The following BCOR variants were observed in gnomAD, a reference collection of about 807,000 sequenced individuals.
BCOR encodes the protein BCL6 corepressor, also known as BCL-6 corepressor.
In BCOR, 10 loss-of-function variants were observed where a neutral mutation model predicts 86.7. The ratio of observed to expected loss-of-function variants is 0.12; its 90% CI spans 0.07 to 0.20. BCOR has a LOEUF of 0.20. Ranked by LOEUF, BCOR falls within the 10% of genes least tolerant of loss-of-function variation. The probability of loss-of-function intolerance (pLI) is 1.00; values close to 1 mark genes in which losing one functional copy is unlikely to be tolerated. For synonymous variants in BCOR, 611 were observed against 609.0 expected, an observed-to-expected ratio of 1.00 and a Z score of -0.05; for missense variants, 1,259 against 1,452.1, an observed-to-expected ratio of 0.87 and a Z score of 2.16.
intron 10 of BCOR, among the ~76,000 whole-genome samples, chrX:40,059,204 C>T (rs1183269798): frequency 8.9e-6 from 1 of 111,912 alleles, no homozygotes; most frequent in Non-Finnish European, 1.9e-5. Context: ...CCAGGTCAGA[C>T]GTTTTGCCAT....
intron 1 of BCOR, among the ~76,000 whole-genome samples, chrX:40,165,202 G>T: frequency 8.9e-6 from 1 of 111,853 alleles, no homozygotes. Flanking sequence ...GTGTGGGGTG[G>T]GGTGGGGGAT....
At chrX:40,087,208 G>A (rs1475835985) in intron 1 of BCOR, among the ~76,000 whole-genome samples, 1 of 113,057 alleles carries the variant, frequency 8.8e-6, no homozygotes, top group Non-Finnish European at 1.9e-5. Flanking sequence ...AGCCCTCAGC[G>A]GAATGCCTCC....
intron 1 of BCOR, among the ~76,000 whole-genome samples, chrX:40,086,129 C>A (rs1936346732): frequency 9.1e-6 from 1 of 109,446 alleles, no homozygotes; most frequent in Admixed American, 9.7e-5. Context: ...TCCCTTCCCC[C>A]CAAAATACAC....
intron 1 of BCOR, among the ~76,000 whole-genome samples, chrX:40,094,534 G>A (rs1936766831): frequency 8.8e-6 from 1 of 113,200 alleles, no homozygotes. Flanking sequence ...CCGCGCGCTG[G>A]GCAGTCCTAT....
intron 1 of BCOR, among the ~76,000 whole-genome samples, chrX:40,079,680 G>A (rs747441543): frequency 1.5e-4 from 17 of 111,807 alleles, no homozygotes; most frequent in Admixed American, 6.6e-4. Context: ...TCCAGACAGC[G>A]GCTCTTCCAG....
At chrX:40,139,404 TATATATATATAATATATATAC>T (rs1937779290) in intron 1 of BCOR, among the ~76,000 whole-genome samples, 4 of 17,912 alleles carry the variant, frequency 2.2e-4, no homozygotes, top group African/African-American at 2.1e-3. Flanking sequence ...CATATATATA[TATATATATATAATATATATAC>T]ATATATATAT....
chrX:40,151,475 C>T (rs1038925011), intron 1 of BCOR, among the ~76,000 whole-genome samples: 3 of 112,937 alleles, frequency 2.7e-5, no homozygotes, highest in African/African-American at 9.6e-5. Flanking sequence ...GGCTAGTACC[C>T]GAGCCTTGGA....
intron 1 of BCOR, among the ~76,000 whole-genome samples, chrX:40,161,349 G>A (rs184350462): frequency 1.8e-5 from 2 of 108,537 alleles, no homozygotes; most frequent in African/African-American, 3.4e-5. Context: ...TGGGATTAGC[G>A]CCACCATGCC....
At chrX:40,128,248 A>T (rs936791807) in intron 1 of BCOR, among the ~76,000 whole-genome samples, 4 of 109,082 alleles carry the variant, frequency 3.7e-5, no homozygotes, top group African/African-American at 1.0e-4. Flanking sequence ...AAAACAAAAA[A>T]GTATATTGGG....
upstream of BCOR, among the ~76,000 whole-genome samples, chrX:40,098,077 G>T (rs1240281901): frequency 1.6e-5 from 1 of 61,966 alleles, no homozygotes; most frequent in Non-Finnish European, 3.0e-5. Flanking sequence ...CCCAACAGCC[G>T]CCTCCCCTCC....
At chrX:40,058,961 C>A (rs1335201700) in intron 10 of BCOR, among the ~76,000 whole-genome samples, 1 of 112,006 alleles carries the variant, frequency 8.9e-6, no homozygotes, top group Non-Finnish European at 1.9e-5. Flanking sequence ...GGGATCAGCT[C>A]TAAGCGCCAC....
At chrX:40,088,161 C>G (rs1371480218) in intron 1 of BCOR, among the ~76,000 whole-genome samples, 2 of 112,074 alleles carry the variant, frequency 1.8e-5, no homozygotes, top group Non-Finnish European at 3.8e-5. Context: ...AATCAGTCCT[C>G]GAGCTCCCCA....
intron 1 of BCOR, among the ~76,000 whole-genome samples, chrX:40,175,501 G>A (rs1224369078): frequency 8.8e-6 from 1 of 113,485 alleles, no homozygotes; most frequent in Non-Finnish European, 1.9e-5. Context: ...GAGAGGTGAA[G>A]GCCCACCCCG....
intron 1 of BCOR, among the ~76,000 whole-genome samples, chrX:40,169,634 A>C (rs1187549136): frequency 9.0e-6 from 1 of 110,570 alleles, no homozygotes; most frequent in Non-Finnish European, 1.9e-5. Context: ...AAAAACCAGG[A>C]GGAGAAATAA....
At chrX:40,143,658 T>TA (rs925740218) in intron 1 of BCOR, among the ~76,000 whole-genome samples, 3 of 112,801 alleles carry the variant, frequency 2.7e-5, no homozygotes, top group African/African-American at 9.7e-5. Flanking sequence ...ACAAATATGT[T>TA]AAAAAACAAA....
chrX:40,064,207 C>A, intron 7 of BCOR, 129 bp downstream of exon 7: 1 of 1,013,125 alleles, frequency 9.9e-7, no homozygotes, highest in Non-Finnish European at 1.4e-6. Context: ...CTGCTGCGCC[C>A]CCACGGCTTC....
intron 1 of BCOR, among the ~76,000 whole-genome samples, chrX:40,161,170 G>A (rs747600380): frequency 9.4e-6 from 1 of 105,939 alleles, no homozygotes; most frequent in Admixed American, 1.0e-4. Context: ...ACCATGCCCG[G>A]CTAATTTTTG....
chrX:40,155,061 A>AGGGGAGGGGGTCGGGGGAGGGGC (rs1938259488), intron 1 of BCOR, among the ~76,000 whole-genome samples: 1 of 93,622 alleles, frequency 1.1e-5, no homozygotes, highest in Non-Finnish European at 2.2e-5. Context: ...TAGCTGCGGG[A>AGGGGAGGGGGTCGGGGGAGGGGC]GGGGAGGGGG....
In BCOR at chrX:40,157,096, A is replaced by G. The variant is rs150646312; in HGVS notation, c.-41+19911T>C. 5.1e-3 allele frequency among the ~76,000 whole-genome samples: 574 copies of G among 113,501 alleles called. 5 individuals carry two copies. Among genetic ancestry groups the G allele is most frequent in the African/African-American group, 0.018 (554 of 31,329 alleles). On this transcript the variant is annotated intron_variant, in intron 1 of 14. Transcript: ENST00000342274. ...GTTGGCTTGGTGGTGGGGTGACCCC[A>G]GCTCACGGAGGCCTGGCTCCAAAGG...
Sources: allele counts gnomAD v4.1 joint callset (sites outside exome capture counted in the v4.1 genomes callset), GRCh38; gene constraint gnomAD v4.1.1; transcripts MANE v1.5; gene names NCBI Gene and HGNC (gene_info 2026-07-23, HGNC 2026-07-21).